The following SPINK1 variants were observed in gnomAD, a reference collection of about 807,000 sequenced individuals.
The protein encoded by SPINK1 is serine protease inhibitor Kazal-type 1.
A neutral mutation model predicts 9.5 loss-of-function variants in SPINK1; 5 were observed. The ratio of observed to expected loss-of-function variants is 0.52; its 90% confidence interval spans 0.27 to 1.10. SPINK1 has a LOEUF of 1.10. SPINK1 is among the 50% of genes least tolerant of loss of function. The pLI, the probability that SPINK1 is intolerant of heterozygous loss-of-function variation, is 0.11. For missense variants in SPINK1, 88 were observed against 92.7 expected, an observed-to-expected ratio of 0.95 and a Z score of 0.21; for synonymous variants, 37 against 32.3, an observed-to-expected ratio of 1.14 and a Z score of -0.49.
intron 1 of SPINK1, among the ~76,000 whole-genome samples, chr5:147,830,852 T>C (rs1756495735): frequency 1.3e-5 from 2 of 152,274 alleles, no homozygotes; most frequent in Middle Eastern, 3.4e-3. Context: ...CTGTCAACAT[T>C]GTCAAGATGC....
rs370266754 is a variant in SPINK1, at chr5:147,828,090, T to C, written c.126A>G (p.Ile42Met). 7.4e-5 allele frequency: 119 copies of C among 1,613,408 alleles called. No homozygotes were observed. Among genetic ancestry groups the C allele is most frequent in the Middle Eastern group, 4.9e-4 (3 of 6,080 alleles). ...CYNELNGCTKIYDPVCGTDGN... is the reference protein window; with the variant it reads ...CYNELNGCTKMYDPVCGTDGN... ...CATCAGTCCCACAGACAGGGTCATATATCTTGGTGCATCCATTAAGTTCAT... is the reference window on the plus strand; with the variant it reads ...CATCAGTCCCACAGACAGGGTCATACATCTTGGTGCATCCATTAAGTTCAT... Residue 42 changes from isoleucine (I) to methionine (M), a missense_variant, in exon 3 of 4, where the codon ATA (isoleucine) becomes ATG (methionine). Physicochemically the swap from Ile to Met is conservative, Grantham distance 10. Transcript: ENST00000296695.
chr5:147,837,649 T>TTTC, the SPINK1 span, among the ~76,000 whole-genome samples: 57 of 107,120 alleles, frequency 5.3e-4, no homozygotes, highest in African/African-American at 1.9e-3. Flanking sequence ...CATTAACTTC[T>TTTC]TTTCTTTCTT....
chr5:147,831,926 G>T, upstream of SPINK1: 1 of 726,080 alleles, frequency 1.4e-6, no homozygotes, highest in Non-Finnish European at 1.9e-6. Flanking sequence ...CCTGTAAGAT[G>T]AACTCAAAGA....
At chr5:147,837,713 C>CTTT in the SPINK1 span, among the ~76,000 whole-genome samples, 57 of 120,590 alleles carry the variant, frequency 4.7e-4, no homozygotes, top group Non-Finnish European at 8.6e-4. Flanking sequence ...TTCTTTCTTT[C>CTTT]TTTTTTGGGA....
At chr5:147,828,630 C>T (rs1428343085) in intron 2 of SPINK1, among the ~76,000 whole-genome samples, 2 of 152,214 alleles carry the variant, frequency 1.3e-5, no homozygotes, top group South Asian at 4.1e-4. Context: ...AGTTTATAAT[C>T]ATCAAATGAT....
At chr5:147,834,392 C>T (rs945538104), upstream of SPINK1, among the ~76,000 whole-genome samples, 3 of 152,078 alleles carry the variant, frequency 2.0e-5, no homozygotes, top group African/African-American at 4.8e-5. Flanking sequence ...TTCAAATATT[C>T]ATCAAGTCCT....
chr5:147,832,225 T>C (rs1756521575), upstream of SPINK1, among the ~76,000 whole-genome samples: 1 of 152,222 alleles, frequency 6.6e-6, no homozygotes, highest in African/African-American at 2.4e-5. Context: ...ACTTTTGCTG[T>C]GCTTCTGTGT....
intron 3 of SPINK1, among the ~76,000 whole-genome samples, chr5:147,825,265 A>C (rs767448421): frequency 2.0e-5 from 3 of 152,020 alleles, no homozygotes; most frequent in Non-Finnish European, 4.4e-5. Context: ...CTCTTCCCTA[A>C]ACTAAATATC....
intron 1 of SPINK1, among the ~76,000 whole-genome samples, chr5:147,830,500 G>C (rs768905505): frequency 6.6e-6 from 1 of 152,124 alleles, no homozygotes; most frequent in Non-Finnish European, 1.5e-5. Flanking sequence ...AATTAGTGAG[G>C]CATCTATGAG....
chr5:147,828,091 A>G lies in SPINK1; in HGVS notation c.125T>C (p.Ile42Thr). The change falls in exon 3 of 4, where the codon ATA becomes ACA. Residue 42 changes from isoleucine (I) to threonine (T), a missense_variant. Coordinates refer to ENST00000296695, the MANE Select transcript of SPINK1 (RefSeq NM_001379610.1). ...ATCAGTCCCACAGACAGGGTCATAT[A>G]TCTTGGTGCATCCATTAAGTTCATT... is the stretch of plus-strand genomic sequence containing the variant. ...CYNELNGCTK[I>T]YDPVCGTDGN... 4 of 1,613,552 alleles carry G rather than the reference A, an allele frequency of 2.5e-6. No individual in the cohort carries two copies. The highest frequency in any genetic ancestry group is 3.4e-6 in the Non-Finnish European group (4 of 1,179,830).
chr5:147,829,378 T>C (rs1027942305), intron 2 of SPINK1, among the ~76,000 whole-genome samples: 1 of 152,182 alleles, frequency 6.6e-6, no homozygotes, highest in African/African-American at 2.4e-5. Context: ...GCAAGCACTG[T>C]AGGACTATAT....
At chr5:147,835,891 A>G (rs1561608031), upstream of SPINK1, among the ~76,000 whole-genome samples, 1 of 152,218 alleles carries the variant, frequency 6.6e-6, no homozygotes, top group East Asian at 1.9e-4. Flanking sequence ...AGGGAACTTC[A>G]TGGCTTTTCA....
At chr5:147,832,307 G>T (rs971373861), upstream of SPINK1, among the ~76,000 whole-genome samples, 11 of 152,128 alleles carry the variant, frequency 7.2e-5, no homozygotes, top group African/African-American at 2.4e-4. Context: ...AATATGTGCT[G>T]GGTAAAAGAG....
intron 1 of SPINK1, among the ~76,000 whole-genome samples, chr5:147,831,225 T>C (rs1580943562): frequency 6.6e-6 from 1 of 152,222 alleles, no homozygotes; most frequent in East Asian, 1.9e-4. Context: ...GAAGTATACT[T>C]AAAGTTAAAA....
At chr5:147,826,255 GT>G (rs1365251202) in intron 3 of SPINK1, among the ~76,000 whole-genome samples, 1 of 152,184 alleles carries the variant, frequency 6.6e-6, no homozygotes, top group Non-Finnish European at 1.5e-5. Context: ...TCTGGCTTTA[GT>G]TACTAGGTAA....
At chr5:147,837,954 G>A in the SPINK1 span, among the ~76,000 whole-genome samples, 12 of 152,000 alleles carry the variant, frequency 7.9e-5, no homozygotes, top group East Asian at 3.9e-4. Flanking sequence ...CACCCGCCTC[G>A]GCCCCACAAA....
chr5:147,837,761 G>T, the SPINK1 span, among the ~76,000 whole-genome samples: 1 of 147,224 alleles, frequency 6.8e-6, no homozygotes, highest in Non-Finnish European at 1.5e-5. Flanking sequence ...GAGTGCAGTG[G>T]CATGATCTCA....
chr5:147,830,828 G>A lies in SPINK1; in HGVS notation c.55+695C>T, dbSNP rs115341118. The stretch of plus-strand genomic sequence containing the variant: ...AAAAGGAAACTGATCTTGGCTCTGC[G>A]GGTTCAGAGTTGTCTGTCAACATTG... On this transcript the variant is annotated intron_variant, in intron 1 of 3. Transcript: ENST00000296695. 2.1e-3 allele frequency among the ~76,000 whole-genome samples: 322 copies of A among 152,228 alleles called. 1 individual carries two copies. Among genetic ancestry groups the A allele is most frequent in the African/African-American group, 7.6e-3 (316 of 41,558 alleles).
intron 1 of SPINK1, among the ~76,000 whole-genome samples, chr5:147,830,741 C>T (rs932886786): frequency 6.6e-6 from 1 of 152,136 alleles, no homozygotes. Flanking sequence ...TGATTTGGCT[C>T]TCCACAGGAT....
Sources: allele counts gnomAD v4.1 joint callset (sites outside exome capture counted in the v4.1 genomes callset), GRCh38; gene constraint gnomAD v4.1.1; transcripts MANE v1.5; gene names NCBI Gene and HGNC (gene_info 2026-07-23, HGNC 2026-07-21).